Variants in SYCP2L observed in about 807,000 individuals in gnomAD.
The protein encoded by SYCP2L is synaptonemal complex protein 2 like.
Under a neutral mutation model 125.8 loss-of-function variants are expected in SYCP2L, and 98 were observed. That is an observed-to-expected ratio of 0.78 (90% CI 0.66 to 0.92). The LOEUF (loss-of-function observed/expected upper bound fraction) is 0.92. Among genes scored for constraint, SYCP2L ranks in the 40% least tolerant of loss-of-function variants. The pLI is 0.00. For synonymous variants in SYCP2L, 317 were observed against 325.4 expected (o/e 0.97, Z 0.28); for missense variants, 842 against 936.4 (o/e 0.90, Z 1.32).
At position 10,900,237 on chromosome 6, in the gene SYCP2L, A is replaced by G. The variant is rs931904779; in HGVS notation, c.466+1389A>G. Among the ~76,000 whole-genome samples the G allele has an allele frequency of 2.6e-5, 4 of 152,210 alleles. No individual in the cohort carries two copies. In the South Asian group the frequency reaches 8.3e-4, roughly 32 times the overall value. On this transcript the variant is annotated intron_variant, in intron 6 of 29. Coordinates refer to ENST00000283141, the MANE Select transcript of SYCP2L (RefSeq NM_001040274.3). ...GTACCAGCATGGTTGGATTCTGGTG[A>G]TGGCCTCTTTCTGGCTTCTTGCTGT...
intron 4 of SYCP2L, among the ~76,000 whole-genome samples, chr6:10,896,385 T>C (rs543509317): frequency 6.6e-6 from 1 of 152,304 alleles, no homozygotes; most frequent in South Asian, 2.1e-4. Flanking sequence ...AGTGCAGCCT[T>C]TCTGCCACTT....
Position 10,916,763 on chromosome 6 carries a change from G to C in SYCP2L, c.1072+3836G>C, listed in dbSNP as rs192338265. On this transcript the variant is annotated intron_variant, in intron 14 of 29. Coordinates refer to ENST00000283141, the MANE Select transcript of SYCP2L (RefSeq NM_001040274.3). ...CCGGCACTTTGGGAGGCCAGGGTGG[G>C]CAGATCACCTGAGGTCAGGAGTTCA... is the stretch of plus-strand genomic sequence containing the variant. Among the ~76,000 whole-genome samples, 39 of 152,312 alleles carry C rather than the reference G, an allele frequency of 2.6e-4. No homozygotes were observed. In the East Asian group the frequency reaches 6.0e-3, roughly 23 times the overall value.
intron 14 of SYCP2L, among the ~76,000 whole-genome samples, chr6:10,916,142 T>A (rs912488616): frequency 9.2e-5 from 14 of 152,254 alleles, no homozygotes; most frequent in African/African-American, 3.4e-4. Flanking sequence ...TGATCTTTTG[T>A]ATTTCAGTGG....
At chr6:10,972,963 T>C (rs1390355190) in intron 29 of SYCP2L, among the ~76,000 whole-genome samples, 1 of 152,204 alleles carries the variant, frequency 6.6e-6, no homozygotes, top group East Asian at 1.9e-4. Flanking sequence ...GGTGAAAATT[T>C]GACTGAGTGT....
intron 1 of SYCP2L, 56 bp from the exon 2 acceptor site, chr6:10,891,457 G>C: frequency 2.1e-6 from 1 of 467,552 alleles, no homozygotes; most frequent in Non-Finnish European, 3.4e-6. Flanking sequence ...TTTAAAACTT[G>C]AAATGCATTT....
At chr6:10,902,301 G>A (rs1780391620) in intron 6 of SYCP2L, among the ~76,000 whole-genome samples, 1 of 152,010 alleles carries the variant, frequency 6.6e-6, no homozygotes, top group Non-Finnish European at 1.5e-5. Flanking sequence ...TTTCCCCCCT[G>A]CATTTTGACA....
At chr6:10,973,119 C>T (rs1239095362) in intron 29 of SYCP2L, among the ~76,000 whole-genome samples, 1 of 152,192 alleles carries the variant, frequency 6.6e-6, no homozygotes, top group Admixed American at 6.5e-5. Flanking sequence ...TAACTTATAT[C>T]GCTCAGGTGA....
intron 6 of SYCP2L, among the ~76,000 whole-genome samples, chr6:10,902,376 G>GA (rs541840011): frequency 3.0e-4 from 45 of 152,238 alleles, no homozygotes; most frequent in African/African-American, 7.9e-4. Context: ...TGCCAAAGTT[G>GA]AAAAAGTCTG....
rs1204965681 is a variant in SYCP2L, at chr6:10,902,868, C to G, written c.553-7C>G. On this transcript the variant is annotated splice_region_variant and splice_polypyrimidine_tract_variant and intron_variant, in intron 7 of 29. Coordinates refer to ENST00000283141, the MANE Select transcript of SYCP2L (RefSeq NM_001040274.3). ...TTCTCCATGAATGTCTTCTCAATTC[C>G]AAAAAGGGCTTGAAGACTTTTAACT... is the stretch of plus-strand genomic sequence containing the variant. 1.2e-6 allele frequency: 2 copies of G among 1,613,632 alleles called. No individual in the cohort carries two copies. Among genetic ancestry groups the G allele is most frequent in the Admixed American group, 3.3e-5 (2 of 59,910 alleles).
intron 25 of SYCP2L, among the ~76,000 whole-genome samples, chr6:10,956,867 C>A (rs953864415): frequency 6.6e-6 from 1 of 152,092 alleles, no homozygotes; most frequent in Non-Finnish European, 1.5e-5. Flanking sequence ...TGTTCTGTTG[C>A]CAAGGCTGGA....
intron 29 of SYCP2L, 118 bp downstream of exon 29, chr6:10,963,961 ATTT>A (rs149829365): frequency 8.0e-3 from 3,809 of 474,610 alleles, no homozygotes; most frequent in East Asian, 0.035. Context: ...GAACTTCTCC[ATTT>A]TTTTTTTTTT....
intron 8 of SYCP2L, 27 bp downstream of exon 8, chr6:10,902,990 C>T: frequency 1.3e-6 from 2 of 1,582,678 alleles, no homozygotes; most frequent in Non-Finnish European, 1.7e-6. Context: ...AAGTTACGTG[C>T]TGTAGTAAGG....
intron 26 of SYCP2L, 88 bp from the exon 27 acceptor site, chr6:10,961,217 G>A: frequency 9.7e-7 from 1 of 1,035,202 alleles, no homozygotes; most frequent in South Asian, 1.4e-5. Context: ...AGAGTCTGAA[G>A]TATCCTTGTA....
intron 6 of SYCP2L, among the ~76,000 whole-genome samples, chr6:10,901,289 T>G (rs1461336235): frequency 1.3e-5 from 2 of 152,234 alleles, no homozygotes; most frequent in African/African-American, 4.8e-5. Context: ...AGTATTAGGC[T>G]GTGAGAGGGA....
chr6:10,952,584 G>GA (rs5874297), intron 23 of SYCP2L, among the ~76,000 whole-genome samples: 127,441 of 144,220 alleles, frequency 0.88, 57,623 homozygotes, highest in East Asian at 1. Context: ...TTGCCACCAA[G>GA]AAAAAAAAAA....
intron 15 of SYCP2L, 124 bp from the exon 16 acceptor site, chr6:10,926,215 A>G (rs1347959552): frequency 4.2e-6 from 3 of 721,038 alleles, no homozygotes; most frequent in Non-Finnish European, 4.7e-6. Context: ...GAGAGGACAA[A>G]CTGGTAAACT....
intron 14 of SYCP2L, among the ~76,000 whole-genome samples, chr6:10,920,645 G>A (rs6926033): frequency 0.05 from 7,594 of 151,912 alleles, 617 homozygotes; most frequent in African/African-American, 0.17. Context: ...TTAAGTTCAT[G>A]GGTACATGTG....
chr6:10,893,389 A>G (rs1157187827), intron 2 of SYCP2L, among the ~76,000 whole-genome samples: 1 of 152,248 alleles, frequency 6.6e-6, no homozygotes, highest in African/African-American at 2.4e-5. Context: ...CATACTTATT[A>G]TCTATAATTA....
chr6:10,932,430 C>T (rs932716591), intron 20 of SYCP2L, among the ~76,000 whole-genome samples: 35 of 152,084 alleles, frequency 2.3e-4, no homozygotes, highest in Non-Finnish European at 2.4e-4. Flanking sequence ...AAGTTCGGAG[C>T]GGTTTATAAG....
Sources: gnomAD v4.1 joint callset for allele counts (sites outside exome capture counted in the v4.1 genomes callset) on GRCh38, gnomAD v4.1.1 for gene constraint, MANE v1.5 for transcripts, NCBI Gene and HGNC (gene_info 2026-07-23, HGNC 2026-07-21) for gene names.